The following KDM4C variants were observed in gnomAD, a reference collection of about 807,000 sequenced individuals.
KDM4C encodes the protein lysine-specific demethylase 4C.
A neutral mutation model predicts 129.3 loss-of-function variants in KDM4C; 81 were observed. That is an observed-to-expected ratio of 0.63 (90% confidence interval 0.52 to 0.75). The LOEUF is 0.75. Among genes scored for constraint, KDM4C ranks in the 30% least tolerant of loss-of-function variants. KDM4C has a pLI of 0.00. For synonymous variants in KDM4C, 573 were observed against 456.1 expected (o/e 1.26, Z -3.26); for missense variants, 1,457 against 1,304.0 (o/e 1.12, Z -1.81).
At chr9:6,853,728 A>G (rs760207393) in intron 5 of KDM4C, among the ~76,000 whole-genome samples, 1 of 152,200 alleles carries the variant, frequency 6.6e-6, no homozygotes, top group African/African-American at 2.4e-5. Flanking sequence ...GAGTAAGCAG[A>G]TAGAAAACTG....
At chr9:6,949,671 T>G (rs1007846814) in intron 8 of KDM4C, among the ~76,000 whole-genome samples, 1 of 151,900 alleles carries the variant, frequency 6.6e-6, no homozygotes, top group African/African-American at 2.4e-5. Flanking sequence ...AAACCCCGTC[T>G]CCACCAAAAA....
chr9:6,752,843 TC>T (rs2130311195), upstream of KDM4C, among the ~76,000 whole-genome samples: 1 of 152,322 alleles, frequency 6.6e-6, no homozygotes, highest in East Asian at 1.9e-4. Context: ...CAATAAAATA[TC>T]TGTGTTCCTC....
intron 15 of KDM4C, among the ~76,000 whole-genome samples, chr9:7,034,519 A>G (rs957996264): frequency 2.6e-5 from 4 of 152,160 alleles, no homozygotes; most frequent in African/African-American, 7.2e-5. Flanking sequence ...TGTTGTTGCA[A>G]ATGACAAGAT....
At position 7,016,294 on chromosome 9, in the gene KDM4C, A is replaced by T. The variant is rs1257709592; in HGVS notation, c.2259+365A>T. ...AGGCACCCGCCACCACGCCTGGCTAATTTTTTGTATTTTTAGTAGAGACGG... is the reference window on the plus strand; with the variant it reads ...AGGCACCCGCCACCACGCCTGGCTATTTTTTTGTATTTTTAGTAGAGACGG... On this transcript the variant is annotated intron_variant, in intron 15 of 21. Transcript: ENST00000381309. Among the ~76,000 whole-genome samples, 3 of 151,516 alleles carry T rather than the reference A, an allele frequency of 2.0e-5. 1 individual carries two copies. In the East Asian group the frequency reaches 5.8e-4, roughly 29 times the overall value.
chr9:6,879,911 G>A (rs1435832993), intron 5 of KDM4C, 101 bp from the exon 6 acceptor site: 1 of 555,456 alleles, frequency 1.8e-6, no homozygotes, highest in African/African-American at 1.9e-5. Context: ...GGAGTTTGGT[G>A]TTGAATTTCT....
At chr9:7,061,589 G>C (rs575210407) in intron 17 of KDM4C, among the ~76,000 whole-genome samples, 1 of 152,314 alleles carries the variant, frequency 6.6e-6, no homozygotes, top group South Asian at 2.1e-4. Flanking sequence ...GACTCGTCCA[G>C]TCTCCAGACT....
intron 8 of KDM4C, among the ~76,000 whole-genome samples, chr9:6,959,792 C>T (rs1829718482): frequency 6.6e-6 from 1 of 152,076 alleles, no homozygotes; most frequent in South Asian, 2.1e-4. Flanking sequence ...TATATGTCTT[C>T]CTTTCAGTTG....
chr9:7,057,574 C>T (rs1831035579), intron 17 of KDM4C, among the ~76,000 whole-genome samples: 1 of 152,262 alleles, frequency 6.6e-6, no homozygotes, highest in Non-Finnish European at 1.5e-5. Flanking sequence ...CAGTCTGACA[C>T]AGAGTTTGCA....
At chr9:7,008,094 T>C (rs1291021194) in intron 12 of KDM4C, among the ~76,000 whole-genome samples, 1 of 152,122 alleles carries the variant, frequency 6.6e-6, no homozygotes, top group Non-Finnish European at 1.5e-5. Flanking sequence ...AGTTTTGCAT[T>C]ACCTGTATTA....
chr9:6,865,653 G>A (rs1841814463), intron 5 of KDM4C, among the ~76,000 whole-genome samples: 2 of 152,154 alleles, frequency 1.3e-5, no homozygotes, highest in African/African-American at 2.4e-5. Flanking sequence ...TGTAACCTCC[G>A]CCTCCCAGTT....
chr9:7,000,863 G>T (rs532218814), intron 12 of KDM4C, among the ~76,000 whole-genome samples: 1 of 152,254 alleles, frequency 6.6e-6, no homozygotes, highest in East Asian at 1.9e-4. Context: ...TAGCTCTGAA[G>T]ATGTAGAATC....
chr9:7,083,976 C>T (rs529153332), intron 17 of KDM4C, among the ~76,000 whole-genome samples: 8 of 152,082 alleles, frequency 5.3e-5, no homozygotes, highest in Non-Finnish European at 1.2e-4. Context: ...GTGTGCAGGG[C>T]AGAGTTACTC....
At chr9:7,123,699 A>G (rs1307422900) in intron 18 of KDM4C, among the ~76,000 whole-genome samples, 5 of 152,218 alleles carry the variant, frequency 3.3e-5, no homozygotes, top group African/African-American at 9.6e-5. Flanking sequence ...CAGGGTCTTA[A>G]GAGAGTTGTT....
chr9:6,780,868 G>A (rs144886773), intron 1 of KDM4C, among the ~76,000 whole-genome samples: 9 of 151,542 alleles, frequency 5.9e-5, no homozygotes, highest in African/African-American at 1.7e-4. Flanking sequence ...TCTTGAAGGT[G>A]CAGATTCTTC....
intron 2 of KDM4C, among the ~76,000 whole-genome samples, chr9:6,796,664 C>A (rs1411672460): frequency 6.6e-6 from 1 of 152,142 alleles, no homozygotes; most frequent in African/African-American, 2.4e-5. Context: ...CACCTGAGTC[C>A]AGACCGTGCC....
At chr9:6,786,856 C>G (rs1233536737) in intron 1 of KDM4C, among the ~76,000 whole-genome samples, 1 of 152,110 alleles carries the variant, frequency 6.6e-6, no homozygotes, top group Non-Finnish European at 1.5e-5. Flanking sequence ...CAAAAATGAT[C>G]ACTGTCACTA....
chr9:7,040,141 A>G (rs772214825), intron 15 of KDM4C, among the ~76,000 whole-genome samples: 35 of 152,094 alleles, frequency 2.3e-4, no homozygotes, highest in East Asian at 1.7e-3. Context: ...TGAACAGTGT[A>G]AGACTCTTAA....
At chr9:6,831,184 C>A (rs1048517941) in intron 4 of KDM4C, among the ~76,000 whole-genome samples, 1 of 152,032 alleles carries the variant, frequency 6.6e-6, no homozygotes, top group Non-Finnish European at 1.5e-5. Context: ...ATCAGTCAGA[C>A]AATATTCTGC....
intron 8 of KDM4C, among the ~76,000 whole-genome samples, chr9:6,895,726 C>G (rs1816305241): frequency 6.6e-6 from 1 of 152,034 alleles, no homozygotes; most frequent in Non-Finnish European, 1.5e-5. Flanking sequence ...AGAGTGAGAT[C>G]TTGTCTCTAC....
Sources: allele counts gnomAD v4.1 joint callset (sites outside exome capture counted in the v4.1 genomes callset), GRCh38; gene constraint gnomAD v4.1.1; transcripts MANE v1.5; gene names NCBI Gene and HGNC (gene_info 2026-07-23, HGNC 2026-07-21).